SEC16B: variants seen among roughly 807,000 people sequenced by gnomAD.
SEC16B encodes SEC16 homolog B, endoplasmic reticulum export factor.
Under a neutral mutation model 141.8 loss-of-function variants are expected in SEC16B, and 115 were observed. The ratio of observed to expected loss-of-function variants is 0.81; its 90% CI spans 0.70 to 0.95. SEC16B has a LOEUF of 0.95. SEC16B is among the 40% of genes least tolerant of loss of function. SEC16B has a pLI of 0.00. For missense variants in SEC16B, 1,291 were observed against 1,312.3 expected (o/e 0.98, Z 0.25); for synonymous variants, 493 against 492.5 (o/e 1.00, Z -0.01).
At chr1:177,955,674 G>A (rs1350110953) in intron 10 of SEC16B, among the ~76,000 whole-genome samples, 1 of 152,188 alleles carries the variant, frequency 6.6e-6, no homozygotes, top group Non-Finnish European at 1.5e-5. Context: ...ACCTATCAAA[G>A]AGTTTGAAAC....
upstream of SEC16B, among the ~76,000 whole-genome samples, chr1:177,971,789 T>C (rs936900361): frequency 3.3e-5 from 5 of 152,220 alleles, no homozygotes; most frequent in African/African-American, 4.8e-5. Context: ...ACTGGTGTGC[T>C]CTAGCTGCCT....
chr1:177,933,727 G>A, intron 20 of SEC16B, 91 bp from the exon 21 acceptor site: 2 of 1,294,538 alleles, frequency 1.5e-6, no homozygotes, highest in Non-Finnish European at 2.2e-6. Context: ...CTGCTCAGAA[G>A]GCAGTGGGAC....
intron 21 of SEC16B, 71 bp downstream of exon 21, chr1:177,933,413 G>A (rs919988378): frequency 1.9e-6 from 3 of 1,576,622 alleles, no homozygotes; most frequent in Non-Finnish European, 2.6e-6. Flanking sequence ...AGACTTCCAA[G>A]TCTGCACCAC....
In SEC16B at chr1:177,944,745, C is replaced by T. The variant is rs1034738225; in HGVS notation, c.1776-79G>A. 5.2e-6 allele frequency: 6 copies of T among 1,147,634 alleles called. No individual in the cohort carries two copies. The African/African-American group carries it at 9.2e-5, about 18-fold the overall frequency. 71.1% of individuals were successfully genotyped at this position (1,147,634 alleles called of 1,614,324 possible). On this transcript the variant is annotated intron_variant, in intron 14 of 25. Coordinates refer to ENST00000308284, the MANE Select transcript of SEC16B (RefSeq NM_033127.4). ...TAAATCCTAGTGGCTCTCCAAACAC[C>T]AGCTGCAGCCTTTCATGGGGGAGTT...
chr1:177,933,631 T>C lies in SEC16B; in HGVS notation c.2577A>G (p.Pro859=). 6.2e-7 allele frequency: 1 copy of C among 1,613,876 alleles called. No individual in the cohort carries two copies. The highest frequency in any genetic ancestry group is 8.5e-7 in the Non-Finnish European group (1 of 1,179,790). The change falls in exon 21 of 26, where the codon CCA becomes CCG. Residue 859 remains proline (P), a synonymous_variant. Transcript: ENST00000308284. The part of the protein sequence containing the change: ...GQEVISKPQT[P]LAARPRSISE... The stretch of plus-strand genomic sequence containing the variant: ...AAATACTTCGTGGTCTAGCAGCCAA[T>C]GGTGTCTGGAATTAAAGAAATAACT...
intron 3 of SEC16B, among the ~76,000 whole-genome samples, chr1:177,965,382 C>T (rs1171268593): frequency 3.0e-5 from 4 of 133,848 alleles, no homozygotes; most frequent in Non-Finnish European, 4.7e-5. Flanking sequence ...TCTATACAAC[C>T]GCACAACGAT....
intron 19 of SEC16B, 145 bp downstream of exon 19, chr1:177,937,069 C>G (rs1051781064): frequency 2.3e-6 from 2 of 873,660 alleles, no homozygotes; most frequent in Non-Finnish European, 1.7e-6. Flanking sequence ...CTAGCAGGCC[C>G]TCCGTAACGG....
At chr1:177,983,855 T>A (rs1654523112) in intron 1 of SEC16B, among the ~76,000 whole-genome samples, 1 of 152,208 alleles carries the variant, frequency 6.6e-6, no homozygotes, top group Non-Finnish European at 1.5e-5. Context: ...TAATCAAACC[T>A]GCCTAAAGTT....
At chr1:177,954,194 T>G in intron 11 of SEC16B, 85 bp downstream of exon 11, 3 of 978,032 alleles carry the variant, frequency 3.1e-6, no homozygotes, top group Non-Finnish European at 4.7e-6. Context: ...TTAGCGCGTC[T>G]GACATTTCTC....
intron 12 of SEC16B, among the ~76,000 whole-genome samples, chr1:177,951,284 C>T (rs562458149): frequency 6.6e-6 from 1 of 152,130 alleles, no homozygotes; most frequent in East Asian, 1.9e-4. Context: ...GGAAAAAAAT[C>T]GATCCAGACA....
intron 24 of SEC16B, among the ~76,000 whole-genome samples, chr1:177,931,985 GA>G (rs879927965): frequency 0.011 from 1,562 of 142,190 alleles, 12 homozygotes; most frequent in Non-Finnish European, 0.016. Flanking sequence ...TGTGTTCCCA[GA>G]AAAAAAAAAA....
At chr1:177,948,699 G>A in intron 12 of SEC16B, 2 of 1,236,898 alleles carry the variant, frequency 1.6e-6, no homozygotes, top group Non-Finnish European at 2.1e-6. Context: ...ATAATGTCAT[G>A]GAAACAACAC....
chr1:177,944,023 G>A (rs1174401734), intron 15 of SEC16B, among the ~76,000 whole-genome samples: 3 of 152,200 alleles, frequency 2.0e-5, no homozygotes, highest in African/African-American at 4.8e-5. Context: ...ATGTAGAAAC[G>A]TTGAGAAGAG....
In SEC16B at chr1:177,929,621, C is replaced by A; in HGVS notation, c.*237G>T. On this transcript the variant is annotated 3_prime_UTR_variant, in exon 26 of 26. Transcript: ENST00000308284. ...TGCTCATGTGCAGTCTGCTATTAGA[C>A]CCAGACTTTCCACCTGATGAAATAA... The A allele has an allele frequency of 1.9e-6, 1 of 534,864 alleles. No homozygotes were observed. Among genetic ancestry groups the A allele is most frequent in the African/African-American group, 1.9e-5 (1 of 52,464 alleles). 33.1% of individuals were successfully genotyped at this position (534,864 alleles called of 1,614,324 possible). A position where few individuals can be genotyped will look rare whatever the true frequency, so the allele number is the denominator to read the frequency against.
rs189950491 is a variant in SEC16B at position 177,960,672 on chromosome 1, G to T, written c.936+119C>A. Reference sequence around the variant, plus strand: ...CAGGGGGTACATGGCCCAGTTTCCCGCAAGAGCATCCCATTCCTGGAGATG... The same window carrying T: ...CAGGGGGTACATGGCCCAGTTTCCCTCAAGAGCATCCCATTCCTGGAGATG... On this transcript the variant is annotated intron_variant, in intron 7 of 25. Coordinates refer to ENST00000308284, the MANE Select transcript of SEC16B (RefSeq NM_033127.4). 6.0e-6 allele frequency: 7 copies of T among 1,165,348 alleles called. No homozygotes were observed. In the East Asian group the frequency reaches 7.7e-5, roughly 13 times the overall value. 72.2% of individuals were successfully genotyped at this position (1,165,348 alleles called of 1,614,324 possible).
At chr1:177,965,348 C>A (rs1247507637) in intron 3 of SEC16B, among the ~76,000 whole-genome samples, 181 bp from the exon 4 acceptor site, 1 of 152,008 alleles carries the variant, frequency 6.6e-6, no homozygotes, top group Admixed American at 6.5e-5. Context: ...GCCTCTCAGT[C>A]CCCTCTGAAC....
upstream of SEC16B, chr1:177,971,576 G>C (rs1032909865): frequency 1.3e-5 from 2 of 152,210 alleles, no homozygotes; most frequent in African/African-American, 4.8e-5. Context: ...ATTCACAAAA[G>C]TTCTTGATGT....
intron 18 of SEC16B, among the ~76,000 whole-genome samples, chr1:177,938,706 T>A (rs761959541): frequency 6.6e-6 from 1 of 152,186 alleles, no homozygotes; most frequent in African/African-American, 2.4e-5. Flanking sequence ...CCTATCTAAC[T>A]CCACACCTTT....
chr1:177,970,459 C>G (rs573178564), upstream of SEC16B, among the ~76,000 whole-genome samples: 1 of 152,184 alleles, frequency 6.6e-6, no homozygotes, highest in African/African-American at 2.4e-5. Context: ...GGTAAGTATG[C>G]CCTGCAGATC....
Sources: gnomAD v4.1 joint callset for allele counts (sites outside exome capture counted in the v4.1 genomes callset) on GRCh38, gnomAD v4.1.1 for gene constraint, MANE v1.5 for transcripts, NCBI Gene and HGNC (gene_info 2026-07-23, HGNC 2026-07-21) for gene names.